Variants in TNNI3K observed in about 807,000 individuals in gnomAD.
TNNI3K encodes serine/threonine-protein kinase TNNI3K.
Under a neutral mutation model 114.5 loss-of-function variants are expected in TNNI3K, and 140 were observed. The observed-to-expected ratio is 1.22, with a 90% confidence interval of 1.07 to 1.41. TNNI3K has a LOEUF of 1.41. Among genes scored for constraint, TNNI3K ranks in the 40% most tolerant of loss-of-function variants. TNNI3K has a pLI of 0.00. For synonymous variants in TNNI3K, 347 were observed against 347.5 expected (o/e 1.00, Z 0.02); for missense variants, 1,125 against 1,007.6 (o/e 1.12, Z -1.58).
intron 17 of TNNI3K, among the ~76,000 whole-genome samples, chr1:74,382,972 A>T (rs898424608): frequency 6.6e-6 from 1 of 152,054 alleles, no homozygotes; most frequent in East Asian, 1.9e-4. Flanking sequence ...TTTCCTGTCC[A>T]TGGTCTCTGA....
chr1:74,287,195 C>T (rs1056991716), intron 5 of TNNI3K, among the ~76,000 whole-genome samples: 6 of 151,918 alleles, frequency 3.9e-5, no homozygotes, highest in African/African-American at 9.7e-5. Flanking sequence ...GAATGACAAA[C>T]GTGGAAAAGC....
intron 6 of TNNI3K, among the ~76,000 whole-genome samples, chr1:74,333,119 A>G (rs1281082488): frequency 6.6e-6 from 1 of 152,140 alleles, no homozygotes; most frequent in African/African-American, 2.4e-5. Context: ...ACCTTCCTGG[A>G]GGTCATGCCA....
chr1:74,466,356 G>A (rs529817665), intron 21 of TNNI3K, among the ~76,000 whole-genome samples: 1 of 152,260 alleles, frequency 6.6e-6, no homozygotes, highest in Admixed American at 6.5e-5. Context: ...TAATATCAAT[G>A]TAAAGATAGG....
At position 74,255,374 on chromosome 1, in the gene TNNI3K, T is replaced by A. The variant is rs893543017; in HGVS notation, c.333+4605T>A. On this transcript the variant is annotated intron_variant, in intron 4 of 24. Transcript: ENST00000326637. ...GTCTCAAAAAAAAAAAAAAAAAAAA[T>A]GCCTAACTTTCTGAGAATGTAACCC... Among the ~76,000 whole-genome samples, 433 of 127,492 alleles carry A rather than the reference T, an allele frequency of 3.4e-3. 2 individuals carry two copies. Among genetic ancestry groups the A allele is most frequent in the African/African-American group, 0.012 (406 of 34,418 alleles). The allele number at this position is 127,492 out of a possible 152,430, so 83.6% of individuals were successfully genotyped here.
chr1:74,407,971 T>A (rs144939418), intron 17 of TNNI3K, among the ~76,000 whole-genome samples: 1 of 152,238 alleles, frequency 6.6e-6, no homozygotes, highest in African/African-American at 2.4e-5. Flanking sequence ...TCCTCATAGA[T>A]CACACTCATG....
chr1:74,481,205 A>T (rs1375089335), intron 21 of TNNI3K, among the ~76,000 whole-genome samples: 1 of 152,236 alleles, frequency 6.6e-6, no homozygotes, highest in Non-Finnish European at 1.5e-5. Context: ...TTTGAGAAAC[A>T]TAAACCCATC....
At chr1:74,520,503 T>A (rs533916190) in intron 23 of TNNI3K, among the ~76,000 whole-genome samples, 14 of 152,068 alleles carry the variant, frequency 9.2e-5, no homozygotes, top group Non-Finnish European at 1.8e-4. Flanking sequence ...CCCTGTTACC[T>A]CTTCTGCCTC....
chr1:74,414,644 T>C (rs1557551808), intron 17 of TNNI3K, among the ~76,000 whole-genome samples: 1 of 152,234 alleles, frequency 6.6e-6, no homozygotes, highest in Non-Finnish European at 1.5e-5. Context: ...AATATATCTG[T>C]TCTGTCATCA....
At chr1:74,446,110 G>T (rs373684234) in intron 20 of TNNI3K, among the ~76,000 whole-genome samples, 1 of 151,984 alleles carries the variant, frequency 6.6e-6, no homozygotes, top group South Asian at 2.1e-4. Context: ...CTGAGGAATC[G>T]CCACACTGAC....
At chr1:74,266,026 C>T (rs753142979) in intron 4 of TNNI3K, among the ~76,000 whole-genome samples, 1 of 151,944 alleles carries the variant, frequency 6.6e-6, no homozygotes, top group Non-Finnish European at 1.5e-5. Context: ...TCTGTTGAGG[C>T]ATAACAAACT....
chr1:74,526,790 C>A lies in TNNI3K; in HGVS notation c.2352-13444C>A, dbSNP rs567329619. The stretch of plus-strand genomic sequence containing the variant: ...AAAGGGAGAAGGCAGCTTAGGAGAG[C>A]AACACGTATAGGACTTATCTGACAC... On this transcript the variant is annotated intron_variant, in intron 23 of 24. Coordinates refer to ENST00000326637, the MANE Select transcript of TNNI3K (RefSeq NM_015978.3). Among the ~76,000 whole-genome samples the A allele has an allele frequency of 3.9e-5, 6 of 152,280 alleles. No individual in the cohort carries two copies. The South Asian group carries it at 6.2e-4, about 16-fold the overall frequency.
chr1:74,525,076 C>T (rs1372720077), intron 23 of TNNI3K, among the ~76,000 whole-genome samples: 2 of 152,052 alleles, frequency 1.3e-5, no homozygotes, highest in Non-Finnish European at 2.9e-5. Flanking sequence ...TGAGATTCTT[C>T]AGTGTGATAA....
intron 23 of TNNI3K, among the ~76,000 whole-genome samples, chr1:74,494,263 G>C (rs539610923): frequency 6.6e-6 from 1 of 152,286 alleles, no homozygotes; most frequent in Non-Finnish European, 1.5e-5. Flanking sequence ...TCTGGAGTTA[G>C]CAAGGGTTTC....
intron 9 of TNNI3K, among the ~76,000 whole-genome samples, chr1:74,352,784 C>A (rs1661433201): frequency 6.6e-6 from 1 of 152,222 alleles, no homozygotes; most frequent in South Asian, 2.1e-4. Flanking sequence ...GGGATGTAAT[C>A]TCCTGGTGTG....
chr1:74,250,778 CTT>C lies in TNNI3K; in HGVS notation c.333+11_333+12del, dbSNP rs1654882380. 6.4e-7 allele frequency: 1 copy of C among 1,569,768 alleles called. No homozygotes were observed. Among genetic ancestry groups the C allele is most frequent in the African/African-American group, 1.4e-5 (1 of 72,876 alleles). On this transcript the variant is annotated intron_variant, in intron 4 of 24. Transcript: ENST00000326637. ...ATTTAGCAGTTTACAAGGTAGGACA[CTT>C]TAATTCCCATAAACACTGCATTGGA...
At chr1:74,329,869 G>T (rs1660106666) in intron 5 of TNNI3K, among the ~76,000 whole-genome samples, 2 of 152,032 alleles carry the variant, frequency 1.3e-5, no homozygotes, top group African/African-American at 4.8e-5. Flanking sequence ...GACAAAACAT[G>T]ACTTAAGCGG....
At position 74,425,672 on chromosome 1, in the gene TNNI3K, A is replaced by G. The variant is rs78312095; in HGVS notation, c.1773-10408A>G. ...GCTTCTAACCTTACTGGAAACAAAT[A>G]CTATGAAAGCCGGGATGAGAAGAAA... On this transcript the variant is annotated intron_variant, in intron 17 of 24. Transcript: ENST00000326637. 4.2e-4 allele frequency among the ~76,000 whole-genome samples: 64 copies of G among 152,226 alleles called. No homozygotes were observed. In the East Asian group the frequency reaches 0.011, roughly 26 times the overall value.
chr1:74,371,716 C>T (rs966042911), intron 17 of TNNI3K: 4 of 151,752 alleles, frequency 2.6e-5, no homozygotes, highest in African/African-American at 9.7e-5. Flanking sequence ...AAAAAGAGCA[C>T]AGACACCAGT....
At chr1:74,462,125 AT>A (rs1282612876) in intron 20 of TNNI3K, among the ~76,000 whole-genome samples, 1 of 152,174 alleles carries the variant, frequency 6.6e-6, no homozygotes, top group Admixed American at 6.5e-5. Flanking sequence ...AATTCTCTTA[AT>A]TTTTTAAACT....
Sources: allele counts gnomAD v4.1 joint callset (sites outside exome capture counted in the v4.1 genomes callset), GRCh38; gene constraint gnomAD v4.1.1; transcripts MANE v1.5; gene names NCBI Gene and HGNC (gene_info 2026-07-23, HGNC 2026-07-21).